ASPHD2: variants seen among roughly 807,000 people sequenced by gnomAD.
ASPHD2 encodes the protein aspartate beta-hydroxylase domain containing 2, also known as aspartate beta-hydroxylase domain-containing protein 2.
ASPHD2 carries 12 observed loss-of-function variants against 34.6 expected under a neutral mutation model. That is an observed-to-expected ratio of 0.35 (90% confidence interval 0.22 to 0.56). The LOEUF (loss-of-function observed/expected upper bound fraction) is 0.56, where lower values mean the gene tolerates loss of function less well. Among genes scored for constraint, ASPHD2 ranks in the 20% least tolerant of loss-of-function variants. The probability of loss-of-function intolerance (pLI) is 0.87; values close to 1 mark genes in which losing one functional copy is unlikely to be tolerated. For synonymous variants in ASPHD2, 224 were observed against 212.2 expected (o/e 1.06, Z -0.48); for missense variants, 375 against 505.0 (o/e 0.74, Z 2.47).
At chr22:26,437,068 T>A (rs927966551) in intron 2 of ASPHD2, among the ~76,000 whole-genome samples, 7 of 152,284 alleles carry the variant, frequency 4.6e-5, no homozygotes, top group Admixed American at 4.6e-4. Flanking sequence ...AGCGTTTCCT[T>A]CTTTACACTA....
Position 26,434,458 on chromosome 22 carries a change from G to A in ASPHD2, c.843G>A (p.Thr281=), listed in dbSNP as rs139661732. The A allele has an allele frequency of 8.6e-4, 1,381 of 1,611,462 alleles. 4 individuals carry two copies. Among genetic ancestry groups the A allele is most frequent in the Non-Finnish European group, 9.1e-4 (1,073 of 1,177,968 alleles). Residue 281 remains threonine, a synonymous_variant, in exon 2 of 4, where the codon ACG becomes ACA. Transcript: ENST00000215906. ...TGCTGAGCCCTGGGACTGTGATAAC[G>A]GAGCACTATGGACCCACCAACATCC... is the stretch of plus-strand genomic sequence containing the variant. ...ISVLSPGTVI[T]EHYGPTNIRI... is the part of the protein sequence containing the mutation.
At chr22:26,432,630 G>A (rs1177702970) in intron 1 of ASPHD2, among the ~76,000 whole-genome samples, 1 of 152,182 alleles carries the variant, frequency 6.6e-6, no homozygotes, top group Admixed American at 6.5e-5. Context: ...TGGCTGTTTT[G>A]GAGATGCTGT....
rs763428397 is a variant in ASPHD2, at chr22:26,433,081, G to A, written c.-224-311G>A. 1.3e-5 allele frequency among the ~76,000 whole-genome samples: 2 copies of A among 152,314 alleles called. No individual in the cohort carries two copies. The highest frequency in any genetic ancestry group is 3.9e-4 in the East Asian group (2 of 5,186). On this transcript the variant is annotated intron_variant, in intron 1 of 3. Coordinates refer to ENST00000215906, the MANE Select transcript of ASPHD2 (RefSeq NM_020437.5). The surrounding 1 kb of genome is among the most constrained non-coding windows in gnomAD (Gnocchi z 5.1). ...TGGGGTTTGAGTCTCTGCCCTGGCT[G>A]TATAACTCTCGTGAGTTATGTAACT...
chr22:26,440,371 G>A (rs980755031), intron 2 of ASPHD2, among the ~76,000 whole-genome samples: 1 of 151,806 alleles, frequency 6.6e-6, no homozygotes, highest in African/African-American at 2.4e-5. Context: ...GGTGCGATTC[G>A]CCCAGGCTGG....
intron 2 of ASPHD2, among the ~76,000 whole-genome samples, chr22:26,441,160 C>A (rs1328494164): frequency 2.0e-5 from 3 of 152,208 alleles, no homozygotes; most frequent in Admixed American, 6.5e-5. Context: ...ATAAATGACA[C>A]CTTCTCACTG....
At chr22:26,441,753 T>G (rs2146135075) in intron 2 of ASPHD2, among the ~76,000 whole-genome samples, 1 of 152,148 alleles carries the variant, frequency 6.6e-6, no homozygotes, top group South Asian at 2.1e-4. Context: ...TGAAACCCCA[T>G]CTCTACTAAA....
At chr22:26,440,446 C>G (rs1338650602) in intron 2 of ASPHD2, among the ~76,000 whole-genome samples, 1 of 152,276 alleles carries the variant, frequency 6.6e-6, no homozygotes, top group African/African-American at 2.4e-5. Flanking sequence ...ATTCTCATGC[C>G]TCAGCCTCCC....
intron 2 of ASPHD2, among the ~76,000 whole-genome samples, chr22:26,434,938 C>T (rs984376814): frequency 6.6e-6 from 1 of 152,118 alleles, no homozygotes; most frequent in African/African-American, 2.4e-5. Context: ...AAATGATTAC[C>T]GAGCTTCATA....
intron 1 of ASPHD2, among the ~76,000 whole-genome samples, chr22:26,432,860 G>A (rs1050513752): frequency 6.6e-6 from 1 of 152,234 alleles, no homozygotes; most frequent in Non-Finnish European, 1.5e-5. Flanking sequence ...ATGAAATAAG[G>A]ATGATGAAAT....
At chr22:26,437,632 G>C (rs1431631976) in intron 2 of ASPHD2, among the ~76,000 whole-genome samples, 3 of 152,176 alleles carry the variant, frequency 2.0e-5, no homozygotes, top group East Asian at 3.8e-4. Context: ...GCAAATTCTA[G>C]CTAAAGAAGC....
At chr22:26,439,543 CTAAATGG>C (rs1322474365) in intron 2 of ASPHD2, among the ~76,000 whole-genome samples, 1 of 152,224 alleles carries the variant, frequency 6.6e-6, no homozygotes, top group Non-Finnish European at 1.5e-5. Context: ...CTCAGCAACA[CTAAATGG>C]TAACTTTTTA....
At chr22:26,435,220 T>C (rs769098936) in intron 2 of ASPHD2, among the ~76,000 whole-genome samples, 2 of 152,202 alleles carry the variant, frequency 1.3e-5, no homozygotes, top group Non-Finnish European at 2.9e-5. Context: ...AAAAAGATCT[T>C]CTCCTAAAGA....
Position 26,434,387 on chromosome 22 carries a change from C to T in ASPHD2, c.772C>T (p.Arg258Trp). ...GACGTACCGCTTGCTCGGAAGCCTT[C>T]GGACCTGTATTGGGAACAATGTTTT... The part of the protein sequence containing the change: ...PRTYRLLGSL[R>W]TCIGNNVFGN... Residue 258 changes from arginine (R) to tryptophan (W), a missense_variant, in exon 2 of 4, where the codon CGG (arginine) becomes TGG (tryptophan). By Grantham distance (101) the Arg-to-Trp change is moderately radical. Around this residue, in one of 3 missense-constraint regions of ASPHD2, gnomAD observed 142 missense variants for 217.9 expected, o/e 0.65. Coordinates refer to ENST00000215906, the MANE Select transcript of ASPHD2 (RefSeq NM_020437.5). 1.2e-6 allele frequency: 2 copies of T among 1,614,180 alleles called. No homozygotes were observed. Among genetic ancestry groups the T allele is most frequent in the Non-Finnish European group, 1.7e-6 (2 of 1,180,028 alleles).
intron 2 of ASPHD2, among the ~76,000 whole-genome samples, chr22:26,438,408 G>GAT (rs1015076256): frequency 8.0e-5 from 12 of 150,182 alleles, no homozygotes; most frequent in African/African-American, 9.8e-5. Context: ...GAACTAATAG[G>GAT]ATATATATAT....
At chr22:26,432,623 C>G (rs2084764434) in intron 1 of ASPHD2, among the ~76,000 whole-genome samples, 1 of 152,162 alleles carries the variant, frequency 6.6e-6, no homozygotes, top group South Asian at 2.1e-4. Context: ...GCACTTCTGG[C>G]TGTTTTGGAG....
At chr22:26,439,812 G>A (rs963529334) in intron 2 of ASPHD2, among the ~76,000 whole-genome samples, 61 of 152,166 alleles carry the variant, frequency 4.0e-4, no homozygotes, top group African/African-American at 1.2e-3. Context: ...ACAACCAGTC[G>A]TCTGTCCCCA....
At chr22:26,431,828 G>A (rs2084758195) in intron 1 of ASPHD2, among the ~76,000 whole-genome samples, 1 of 152,214 alleles carries the variant, frequency 6.6e-6, no homozygotes, top group Non-Finnish European at 1.5e-5. Context: ...TTATGACGTG[G>A]TCGTAAGTGC....
chr22:26,440,275 C>T, intron 2 of ASPHD2, among the ~76,000 whole-genome samples: 1 of 23,600 alleles, frequency 4.2e-5, no homozygotes, highest in Non-Finnish European at 1.4e-4. Context: ...ACCCCACTGG[C>T]CGGTTGAAGC....
chr22:26,430,422 G>C (rs778872788), intron 1 of ASPHD2, among the ~76,000 whole-genome samples: 2 of 152,224 alleles, frequency 1.3e-5, no homozygotes, highest in Admixed American at 1.3e-4. Flanking sequence ...AAGATCTGGG[G>C]TTGCTTATTA....
Sources: gnomAD v4.1 joint callset for allele counts (sites outside exome capture counted in the v4.1 genomes callset) on GRCh38, gnomAD v4.1.1 for gene constraint, gnomAD v4.1.1 regional missense constraint, Gnocchi (gnomAD v3.1) non-coding constraint, MANE v1.5 for transcripts, NCBI Gene and HGNC (gene_info 2026-07-23, HGNC 2026-07-21) for gene names.